The following ACACA variants were observed in gnomAD, a reference collection of about 807,000 sequenced individuals.
The protein encoded by ACACA is acetyl-CoA carboxylase 1.
ACACA carries 103 observed loss-of-function variants against 296.1 expected under a neutral mutation model. That is an observed-to-expected ratio of 0.35 (90% CI 0.30 to 0.41). The LOEUF is 0.41. Among genes scored for constraint, ACACA ranks in the 10% least tolerant of loss-of-function variants. ACACA has a pLI of 1.00. For missense variants in ACACA, 1,554 were observed against 2,989.7 expected (o/e 0.52, Z 11.20); for synonymous variants, 953 against 1,038.6 (o/e 0.92, Z 1.58).
intron 50 of ACACA, among the ~76,000 whole-genome samples, chr17:37,115,767 GCTC>G (rs969171927): frequency 7.9e-5 from 12 of 152,018 alleles, no homozygotes; most frequent in Admixed American, 7.9e-4. Flanking sequence ...ATGGACGTGG[GCTC>G]CTTTTTGTCA....
At chr17:37,189,531 A>G (rs1367827705) in intron 38 of ACACA, among the ~76,000 whole-genome samples, 1 of 152,206 alleles carries the variant, frequency 6.6e-6, no homozygotes, top group Non-Finnish European at 1.5e-5. Flanking sequence ...AAAGCCAACA[A>G]TCTTTATGTA....
chr17:37,202,563 A>T (rs2078295275), intron 33 of ACACA, among the ~76,000 whole-genome samples: 1 of 151,456 alleles, frequency 6.6e-6, no homozygotes, highest in Non-Finnish European at 1.5e-5. Context: ...TAAAAAAAAA[A>T]ACTTTTTCTA....
rs1403103151 is a variant in ACACA at position 37,162,038 on chromosome 17, C to T, written c.5092G>A (p.Ala1698Thr). Reference protein sequence around the residue: ...LPGGNEIGMVAWKMTFKSPEY... With the variant: ...LPGGNEIGMVTWKMTFKSPEY... ...GGACTTTTAAAGGTCATTTTCCAAG[C>T]TACCATGCCAATCTGGAAAGGCATA... The change falls in exon 42 of 56, where the codon GCT becomes ACT. Residue 1698 changes from alanine (A) to threonine (T), a missense_variant. Physicochemically the swap from Ala to Thr is moderately conservative, Grantham distance 58. Transcript: ENST00000616317. 2 of 1,614,044 alleles carry T rather than the reference C, an allele frequency of 1.2e-6. No homozygotes were observed. The highest frequency in any genetic ancestry group is 1.3e-5 in the African/African-American group (1 of 74,912).
chr17:37,337,415 C>CAAA (rs71159702), intron 2 of ACACA, among the ~76,000 whole-genome samples: 10 of 94,318 alleles, frequency 1.1e-4, no homozygotes, highest in African/African-American at 3.2e-4. Flanking sequence ...GACCCTGTCT[C>CAAA]AAAAAAAAAA....
chr17:37,382,494 A>T (rs1295465281), intron 1 of ACACA, among the ~76,000 whole-genome samples: 1 of 152,146 alleles, frequency 6.6e-6, no homozygotes, highest in Non-Finnish European at 1.5e-5. Flanking sequence ...AGAATAATGG[A>T]AAAAACTTTA....
At chr17:37,393,715 A>G (rs759142288) in intron 1 of ACACA, among the ~76,000 whole-genome samples, 5 of 151,758 alleles carry the variant, frequency 3.3e-5, no homozygotes, top group Non-Finnish European at 7.4e-5. Flanking sequence ...GCTGGTGCGC[A>G]CCTGTAATCT....
chr17:37,096,467 C>T (rs192442454), intron 54 of ACACA, among the ~76,000 whole-genome samples: 1 of 152,268 alleles, frequency 6.6e-6, no homozygotes, highest in Admixed American at 6.5e-5. Context: ...CCCCCAAATC[C>T]AGCCTTTTCT....
intron 45 of ACACA, chr17:37,140,976 G>C: frequency 2.8e-6 from 1 of 359,486 alleles, no homozygotes; most frequent in South Asian, 2.4e-5. Flanking sequence ...TCTCCCAGTA[G>C]CCTCTGTGCA....
intron 1 of ACACA, chr17:37,387,636 G>A (rs952606430): frequency 2.7e-5 from 4 of 150,884 alleles, no homozygotes; most frequent in African/African-American, 4.9e-5. Context: ...TAGTAGAGAC[G>A]GGTTTCACCA....
At chr17:37,381,367 G>A (rs922891693) in intron 1 of ACACA, among the ~76,000 whole-genome samples, 1 of 151,802 alleles carries the variant, frequency 6.6e-6, no homozygotes, top group African/African-American at 2.4e-5. Context: ...TGTATTTTTA[G>A]TAGAGACAAG....
intron 42 of ACACA, among the ~76,000 whole-genome samples, chr17:37,158,144 T>C (rs2076324614): frequency 2.0e-5 from 3 of 152,062 alleles, no homozygotes; most frequent in Admixed American, 6.5e-5. Context: ...AATGAAACAA[T>C]AGAGGTACCA....
chr17:37,252,704 T>C (rs1447834032), intron 15 of ACACA, among the ~76,000 whole-genome samples, 182 bp downstream of exon 15: 2 of 152,174 alleles, frequency 1.3e-5, no homozygotes, highest in Non-Finnish European at 2.9e-5. Context: ...GAACATAAAA[T>C]GACTGTGTGA....
At chr17:37,272,408 C>T (rs1260710978) in intron 9 of ACACA, among the ~76,000 whole-genome samples, 2 of 152,064 alleles carry the variant, frequency 1.3e-5, no homozygotes, top group Non-Finnish European at 2.9e-5. Flanking sequence ...CTATGTCAAT[C>T]GATTACTTAA....
intron 9 of ACACA, among the ~76,000 whole-genome samples, chr17:37,272,945 T>C (rs1202162819): frequency 1.3e-5 from 2 of 152,172 alleles, no homozygotes; most frequent in African/African-American, 2.4e-5. Context: ...CATCTTTGGC[T>C]TTTCAAATTT....
intron 7 of ACACA, 115 bp from the exon 8 acceptor site, chr17:37,276,164 C>A: frequency 2.6e-6 from 2 of 772,474 alleles, no homozygotes; most frequent in East Asian, 5.0e-5. Flanking sequence ...CCCCCCACCC[C>A]TCACATATCA....
In ACACA at chr17:37,191,863, T is replaced by A. The variant is rs188021169; in HGVS notation, c.4416+227A>T. Among the ~76,000 whole-genome samples the A allele has an allele frequency of 1.4e-4, 22 of 152,138 alleles. No homozygotes were observed. The East Asian group carries it at 4.2e-3, about 29-fold the overall frequency. ...GGAAAAAGAGCCTTCATTTTTTATT[T>A]TTTTTCAGATGCACTTTCTGCTTTG... On this transcript the variant is annotated intron_variant, in intron 37 of 55. Coordinates refer to ENST00000616317, the MANE Select transcript of ACACA (RefSeq NM_198834.3).
intron 1 of ACACA, among the ~76,000 whole-genome samples, chr17:37,404,733 C>G (rs1362092823): frequency 6.6e-6 from 1 of 151,972 alleles, no homozygotes; most frequent in African/African-American, 2.4e-5. Flanking sequence ...CGTCACAATG[C>G]CCAGCTAATT....
In ACACA at chr17:37,096,849, A is replaced by C. The variant is rs143890125; in HGVS notation, c.6891+147T>G. ...CGTGACATGACATGTTAGGGGGAGT[A>C]GCTGGGGGAGGAAACAGCTTGGATC... On this transcript the variant is annotated intron_variant, in intron 54 of 55. Coordinates refer to ENST00000616317, the MANE Select transcript of ACACA (RefSeq NM_198834.3). The C allele has an allele frequency of 1.3e-4, 123 of 937,412 alleles. No homozygotes were observed. In the African/African-American group the frequency reaches 1.8e-3, roughly 13 times the overall value. The allele number at this position is 937,412 out of a possible 1,614,324, so 58.1% of individuals were successfully genotyped here.
chr17:37,223,374 T>C, intron 28 of ACACA, 138 bp downstream of exon 28: 1 of 741,784 alleles, frequency 1.3e-6, no homozygotes, highest in Non-Finnish European at 2.4e-6. Context: ...ACATACTGTT[T>C]CAGAGGAAAA....
Sources: allele counts gnomAD v4.1 joint callset (sites outside exome capture counted in the v4.1 genomes callset), GRCh38; gene constraint gnomAD v4.1.1; transcripts MANE v1.5; gene names NCBI Gene and HGNC (gene_info 2026-07-23, HGNC 2026-07-21).